The following SERINC5 variants were observed in gnomAD, a reference collection of about 807,000 sequenced individuals.
SERINC5 encodes serine incorporator 5, also known as chromosome 5 open reading frame 12.
Under a neutral mutation model 63.1 loss-of-function variants are expected in SERINC5, and 41 were observed. The observed-to-expected ratio is 0.65, with a 90% confidence interval of 0.51 to 0.84. The LOEUF is 0.84. Among genes scored for constraint, SERINC5 ranks in the 40% least tolerant of loss-of-function variants. The pLI is 0.00. For missense variants in SERINC5, 523 were observed against 573.0 expected, an observed-to-expected ratio of 0.91 and a Z score of 0.89; for synonymous variants, 222 against 215.2, an observed-to-expected ratio of 1.03 and a Z score of -0.28.
intron 9 of SERINC5, among the ~76,000 whole-genome samples, chr5:80,147,674 CTCCCCT>C (rs913423606): frequency 3.3e-5 from 5 of 150,984 alleles, no homozygotes; most frequent in African/African-American, 1.2e-4. Context: ...CCAATTTTGC[CTCCCCT>C]TCCCCTTCTC....
chr5:80,149,297 A>G (rs1231665845), intron 9 of SERINC5, among the ~76,000 whole-genome samples: 1 of 152,184 alleles, frequency 6.6e-6, no homozygotes, highest in Non-Finnish European at 1.5e-5. Flanking sequence ...TCTACAGACC[A>G]TTCTCTTCTC....
At chr5:80,183,089 G>A (rs909571369) in intron 2 of SERINC5, among the ~76,000 whole-genome samples, 3 of 151,892 alleles carry the variant, frequency 2.0e-5, no homozygotes, top group African/African-American at 7.3e-5. Flanking sequence ...AAGACGTGGT[G>A]AAAGGGTACA....
intron 11 of SERINC5, among the ~76,000 whole-genome samples, chr5:80,123,930 G>C (rs1165588605): frequency 6.6e-6 from 1 of 152,126 alleles, no homozygotes; most frequent in Non-Finnish European, 1.5e-5. Context: ...AGCTGAAACT[G>C]TTCCTGCACA....
At chr5:80,239,114 T>C (rs1751839958) in intron 1 of SERINC5, among the ~76,000 whole-genome samples, 1 of 152,208 alleles carries the variant, frequency 6.6e-6, no homozygotes, top group South Asian at 2.1e-4. Context: ...GCCACTGCCT[T>C]AAGGATCCTT....
chr5:80,173,223 AAAGAAG>A (rs1747777427), intron 5 of SERINC5, among the ~76,000 whole-genome samples: 1 of 131,906 alleles, frequency 7.6e-6, no homozygotes, highest in African/African-American at 2.9e-5. Context: ...GGCAGGAAGG[AAAGAAG>A]GAAGGAAGGA....
intron 1 of SERINC5, among the ~76,000 whole-genome samples, chr5:80,240,532 T>C (rs1412713977): frequency 6.6e-6 from 1 of 152,242 alleles, no homozygotes; most frequent in Non-Finnish European, 1.5e-5. Context: ...TTCTGCTTAA[T>C]GTGGTAATTT....
downstream of SERINC5, chr5:80,111,616 G>A (rs965088703): frequency 1.3e-5 from 2 of 152,202 alleles, no homozygotes; most frequent in Non-Finnish European, 2.9e-5. Flanking sequence ...GCTTGCACAA[G>A]TTAATTCCTT....
At chr5:80,176,960 G>C (rs184226995) in intron 4 of SERINC5, among the ~76,000 whole-genome samples, 1 of 152,178 alleles carries the variant, frequency 6.6e-6, no homozygotes, top group East Asian at 1.9e-4. Flanking sequence ...ATAACAGACT[G>C]AAAGATGCTT....
At chr5:80,160,271 G>A (rs889206079) in intron 7 of SERINC5, among the ~76,000 whole-genome samples, 23 of 152,182 alleles carry the variant, frequency 1.5e-4, no homozygotes, top group African/African-American at 4.8e-4. Flanking sequence ...CTGTTGTAGT[G>A]TGAAACAGTA....
intron 1 of SERINC5, among the ~76,000 whole-genome samples, chr5:80,207,327 T>A (rs1041274614): frequency 7.9e-5 from 12 of 152,196 alleles, no homozygotes; most frequent in African/African-American, 2.7e-4. Context: ...AGTTCAAATG[T>A]GATCAACAAA....
rs1037049858 is a variant in SERINC5 at position 80,216,954 on chromosome 5, T to C, written c.28-13901A>G. ...TGAGCCCAGAAGATTGAGGTTACAT[T>C]GAGCTGAGATTGCATCACTGCACTT... On this transcript the variant is annotated intron_variant, in intron 1 of 11. Coordinates refer to ENST00000507668, the MANE Select transcript of SERINC5 (RefSeq NM_001174072.3). Among the ~76,000 whole-genome samples the C allele has an allele frequency of 2.6e-5, 4 of 152,166 alleles. No individual in the cohort carries two copies. The South Asian group carries it at 8.3e-4, about 32-fold the overall frequency.
chr5:80,143,522 AG>A lies in SERINC5; in HGVS notation c.*140del, dbSNP rs1745634338. On this transcript the variant is annotated 3_prime_UTR_variant, in exon 12 of 12. Coordinates refer to ENST00000507668, the MANE Select transcript of SERINC5 (RefSeq NM_001174072.3). ...GAATTTCAAAAGTAAAAAGCTAATC[AG>A]GAGATTTTTTTTTTTCTCTCTCAAA... 1 of 1,375,304 alleles carries A rather than the reference AG, an allele frequency of 7.3e-7. No homozygotes were observed. The highest frequency in any genetic ancestry group is 1.5e-5 in the African/African-American group (1 of 68,250). 85.2% of individuals were successfully genotyped at this position (1,375,304 alleles called of 1,614,324 possible).
intron 9 of SERINC5, among the ~76,000 whole-genome samples, chr5:80,149,124 G>C (rs552093482): frequency 6.6e-5 from 10 of 152,278 alleles, no homozygotes; most frequent in African/African-American, 2.2e-4. Flanking sequence ...GAAACACTCG[G>C]ACATTTTCCC....
downstream of SERINC5, among the ~76,000 whole-genome samples, chr5:80,137,328 G>A (rs1343895707): frequency 6.6e-6 from 1 of 151,894 alleles, no homozygotes; most frequent in African/African-American, 2.4e-5. Context: ...GAATCAGCCC[G>A]AGTGTCCACA....
chr5:80,223,744 G>A (rs1050491696), intron 1 of SERINC5, among the ~76,000 whole-genome samples: 1 of 152,164 alleles, frequency 6.6e-6, no homozygotes, highest in African/African-American at 2.4e-5. Context: ...GCTTGGCAGG[G>A]TGGGTAGCTC....
At chr5:80,248,335 C>G (rs1752249162) in intron 1 of SERINC5, among the ~76,000 whole-genome samples, 1 of 152,174 alleles carries the variant, frequency 6.6e-6, no homozygotes, top group African/African-American at 2.4e-5. Flanking sequence ...GACAGTGGAT[C>G]TGATAACCGA....
chr5:80,150,636 A>C (rs959503254), intron 9 of SERINC5, among the ~76,000 whole-genome samples: 1 of 152,114 alleles, frequency 6.6e-6, no homozygotes, highest in African/African-American at 2.4e-5. Flanking sequence ...GGGTTTCACC[A>C]TGTTGGCCAG....
At chr5:80,147,198 G>C in intron 10 of SERINC5, 47 bp downstream of exon 10, 2 of 1,523,012 alleles carry the variant, frequency 1.3e-6, no homozygotes, top group Non-Finnish European at 1.8e-6. Flanking sequence ...TAGAGTTATA[G>C]GTCTGCAGTG....
intron 1 of SERINC5, among the ~76,000 whole-genome samples, chr5:80,236,684 C>T (rs1034527215): frequency 2.6e-5 from 4 of 152,070 alleles, no homozygotes; most frequent in East Asian, 1.9e-4. Flanking sequence ...CGCCACCACG[C>T]CCAGCTAATT....
Sources: allele counts gnomAD v4.1 joint callset (sites outside exome capture counted in the v4.1 genomes callset), GRCh38; gene constraint gnomAD v4.1.1; transcripts MANE v1.5; gene names NCBI Gene and HGNC (gene_info 2026-07-23, HGNC 2026-07-21).